The following TCEA3 variants were observed in gnomAD, a reference collection of about 807,000 sequenced individuals.
The protein encoded by TCEA3 is transcription elongation factor A protein 3.
TCEA3 carries 36 observed loss-of-function variants against 44.0 expected under a neutral mutation model. The observed-to-expected ratio is 0.82, with a 90% CI of 0.63 to 1.08. The LOEUF (loss-of-function observed/expected upper bound fraction) is 1.08, where lower values mean the gene tolerates loss of function less well. Ranked by LOEUF, TCEA3 falls within the 50% of genes least tolerant of loss-of-function variation. The probability of loss-of-function intolerance (pLI) is 0.00; values close to 1 mark genes in which losing one functional copy is unlikely to be tolerated. For missense variants in TCEA3, 392 were observed against 441.2 expected, an observed-to-expected ratio of 0.89 and a Z score of 1.00; for synonymous variants, 162 against 159.7, an observed-to-expected ratio of 1.01 and a Z score of -0.11.
chr1:23,392,092 A>ATTTTTTTTTTTTTTTTTTT (rs1639045421), intron 8 of TCEA3, among the ~76,000 whole-genome samples: 1 of 152,166 alleles, frequency 6.6e-6, no homozygotes, highest in African/African-American at 2.4e-5. Flanking sequence ...AAAAGATCAG[A>ATTTTTTTTTTTTTTTTTTT]TATTTTAAAT....
In TCEA3 at chr1:23,393,951, C is replaced by G; in HGVS notation, c.747G>C (p.Arg249Ser). ...RSRISNLKDP[R>S]NPGLRRNVLS... ...GCACGTTCCGCCGCAGGCCGGGGTT[C>G]CTGGGGTCCTTGAGGTTGCTTATGC... The change falls in exon 8 of 11, where the codon AGG becomes AGC. Residue 249 changes from arginine to serine, a missense_variant. Physicochemically the swap from Arg to Ser is moderately radical, Grantham distance 110. Transcript: ENST00000450454. The G allele has an allele frequency of 6.2e-7, 1 of 1,614,022 alleles. No homozygotes were observed. The highest frequency in any genetic ancestry group is 8.5e-7 in the Non-Finnish European group (1 of 1,179,912).
Position 23,421,455 on chromosome 1 carries a change from G to T in TCEA3, c.70-2316C>A, listed in dbSNP as rs12045278. 1.5e-3 allele frequency among the ~76,000 whole-genome samples: 234 copies of T among 152,234 alleles called. 6 individuals are homozygous for T. The East Asian group carries it at 0.04, about 26-fold the overall frequency. On this transcript the variant is annotated intron_variant, in intron 1 of 10. Coordinates refer to ENST00000450454, the MANE Select transcript of TCEA3 (RefSeq NM_003196.3). ...TACACAATCATGGAATATCAACATG[G>T]GTAAGTGCAGTGGTGTGCTGGCCAA...
chr1:23,422,800 C>G (rs539049062), intron 1 of TCEA3, among the ~76,000 whole-genome samples: 1 of 152,140 alleles, frequency 6.6e-6, no homozygotes, highest in African/African-American at 2.4e-5. Context: ...AGAGGAAACT[C>G]GAGGTCCAGA....
At chr1:23,408,040 C>T (rs1451516220) in intron 5 of TCEA3, among the ~76,000 whole-genome samples, 1 of 152,108 alleles carries the variant, frequency 6.6e-6, no homozygotes, top group Non-Finnish European at 1.5e-5. Flanking sequence ...CGGCTCACTG[C>T]AACCTCTGCC....
At chr1:23,418,250 C>T in intron 2 of TCEA3, 2 of 501,062 alleles carry the variant, frequency 4.0e-6, no homozygotes, top group Non-Finnish European at 3.6e-6. Context: ...TTTGGTGAAA[C>T]CTGAACCTAG....
At chr1:23,381,758 G>A (rs1421833811) in intron 10 of TCEA3, among the ~76,000 whole-genome samples, 6 of 152,196 alleles carry the variant, frequency 3.9e-5, no homozygotes, top group Non-Finnish European at 7.3e-5. Flanking sequence ...TCACTGGGAT[G>A]GCTACTAATC....
intron 10 of TCEA3, chr1:23,383,675 A>G (rs1342331655): frequency 1.0e-5 from 10 of 985,340 alleles, no homozygotes; most frequent in Admixed American, 6.1e-5. Context: ...CAGACATCAC[A>G]TGGTGCACAT....
intron 1 of TCEA3, among the ~76,000 whole-genome samples, chr1:23,423,256 C>T (rs1257629184): frequency 1.3e-5 from 2 of 152,174 alleles, no homozygotes; most frequent in Admixed American, 6.5e-5. Flanking sequence ...GTCTTGTTCG[C>T]CAGTTCTTAG....
At chr1:23,405,750 A>G (rs1180318406) in intron 5 of TCEA3, among the ~76,000 whole-genome samples, 1 of 152,230 alleles carries the variant, frequency 6.6e-6, no homozygotes, top group Non-Finnish European at 1.5e-5. Context: ...GGGAGCCAGG[A>G]GATTTCAAGA....
chr1:23,386,663 T>G (rs1638847527), intron 9 of TCEA3, among the ~76,000 whole-genome samples: 1 of 152,082 alleles, frequency 6.6e-6, no homozygotes, highest in East Asian at 1.9e-4. Context: ...GTTCCAGTGA[T>G]TCTCCTGCCT....
chr1:23,407,403 G>A (rs1378009001), intron 5 of TCEA3, among the ~76,000 whole-genome samples: 1 of 151,912 alleles, frequency 6.6e-6, no homozygotes, highest in East Asian at 1.9e-4. Context: ...CATCATTCCC[G>A]CCCTCAGTAC....
chr1:23,384,182 C>T (rs1638752725), intron 10 of TCEA3, 164 bp downstream of exon 10: 2 of 1,474,352 alleles, frequency 1.4e-6, no homozygotes, highest in African/African-American at 2.8e-5. Context: ...CTCCCCACCT[C>T]CCCAACAGCA....
rs60424866 is a variant in TCEA3 at position 23,399,144 on chromosome 1, G to GTATATATATATATATATA, written c.444-1207_444-1190dup. ...GTTTTGTTTATATATATGTATATAT[G>GTATATATATATATATATA]TATATATATATATATATATATATAT... On this transcript the variant is annotated intron_variant, in intron 5 of 10. Transcript: ENST00000450454. Among the ~76,000 whole-genome samples, 162 of 61,112 alleles carry GTATATATATATATATATA rather than the reference G, an allele frequency of 2.7e-3. 9 individuals carry two copies. The highest frequency in any genetic ancestry group is 4.0e-3 in the Non-Finnish European group (128 of 31,758). 40.1% of individuals were successfully genotyped at this position (61,112 alleles called of 152,430 possible).
intron 7 of TCEA3, among the ~76,000 whole-genome samples, chr1:23,395,811 G>C (rs1639199311): frequency 6.9e-6 from 1 of 144,196 alleles, no homozygotes; most frequent in Admixed American, 7.1e-5. Context: ...CTGGGCAACA[G>C]AGCAAGATTC....
chr1:23,420,937 G>C (rs995316299), intron 1 of TCEA3, among the ~76,000 whole-genome samples: 2 of 152,118 alleles, frequency 1.3e-5, no homozygotes, highest in Non-Finnish European at 2.9e-5. Flanking sequence ...CCAGGGGACG[G>C]TGTCCTGTAT....
At chr1:23,423,969 C>T (rs1235861561) in intron 1 of TCEA3, 1 of 414,304 alleles carries the variant, frequency 2.4e-6, no homozygotes, top group South Asian at 1.7e-5. Context: ...CCCCGCCCGT[C>T]CGGGCCGCAC....
intron 5 of TCEA3, among the ~76,000 whole-genome samples, chr1:23,398,598 A>G (rs1401086049): frequency 6.6e-6 from 1 of 152,160 alleles, no homozygotes; most frequent in Non-Finnish European, 1.5e-5. Flanking sequence ...GAATTTTCCA[A>G]TTTAATCTTC....
intron 4 of TCEA3, among the ~76,000 whole-genome samples, chr1:23,415,011 GTTC>G (rs1639846152): frequency 1.3e-5 from 1 of 76,046 alleles, no homozygotes; most frequent in Non-Finnish European, 2.6e-5. Context: ...TCCCTTTACT[GTTC>G]TTTTTTTTTT....
Position 23,381,277 on chromosome 1 carries a change from C to T in TCEA3, c.*189G>A. ...CTCAGCATCATTCTCCAATTAGGCTCCCCCATTAACCAATTGTTTCTAATG... is the reference window on the plus strand; with the variant it reads ...CTCAGCATCATTCTCCAATTAGGCTTCCCCATTAACCAATTGTTTCTAATG... On this transcript the variant is annotated 3_prime_UTR_variant, in exon 11 of 11. Transcript: ENST00000450454. 1.7e-6 allele frequency: 1 copy of T among 603,468 alleles called. No individual in the cohort carries two copies. The allele number at this position is 603,468 out of a possible 1,614,324, so 37.4% of individuals were successfully genotyped here.
Sources: allele counts gnomAD v4.1 joint callset (sites outside exome capture counted in the v4.1 genomes callset), GRCh38; gene constraint gnomAD v4.1.1; transcripts MANE v1.5; gene names NCBI Gene and HGNC (gene_info 2026-07-23, HGNC 2026-07-21).